CAMKMT: variants seen among roughly 807,000 people sequenced by gnomAD.
CAMKMT encodes the protein calmodulin-lysine N-methyltransferase.
CAMKMT carries 53 observed loss-of-function variants against 48.0 expected under a neutral mutation model. The observed-to-expected ratio is 1.10, with a 90% CI of 0.89 to 1.39. The LOEUF is 1.39. Among genes scored for constraint, CAMKMT ranks in the 40% most tolerant of loss-of-function variants. The pLI, the probability that CAMKMT is intolerant of heterozygous loss-of-function variation, is 0.00. For synonymous variants in CAMKMT, 165 were observed against 152.3 expected (o/e 1.08, Z -0.61); for missense variants, 428 against 402.7 (o/e 1.06, Z -0.54).
At chr2:44,549,828 T>C in intron 3 of CAMKMT, 1 of 400,692 alleles carries the variant, frequency 2.5e-6, no homozygotes, top group Non-Finnish European at 4.4e-6. Flanking sequence ...ACTGTGGCCA[T>C]ACATTTTTGT....
intron 3 of CAMKMT, among the ~76,000 whole-genome samples, chr2:44,402,740 G>GTTTTTTTTTTTTTTTTTTTTTTCTTTTTT: frequency 2.1e-5 from 2 of 94,106 alleles, no homozygotes; most frequent in Non-Finnish European, 4.3e-5. Context: ...TTGTTTTGCT[G>GTTTTTTTTTTTTTTTTTTTTTTCTTTTTT]TTTTTTTTTT....
intron 3 of CAMKMT, among the ~76,000 whole-genome samples, chr2:44,516,451 T>A (rs1465029080): frequency 6.6e-6 from 1 of 152,286 alleles, no homozygotes; most frequent in African/African-American, 2.4e-5. Flanking sequence ...GCCTAGTGAA[T>A]ATAACTAAGG....
chr2:44,528,120 C>T (rs1666268005), intron 3 of CAMKMT, among the ~76,000 whole-genome samples: 1 of 152,026 alleles, frequency 6.6e-6, no homozygotes, highest in South Asian at 2.1e-4. Context: ...GTCAAAATTC[C>T]CAGTCTCTTC....
intron 1 of CAMKMT, 34 bp downstream of exon 1, chr2:44,362,179 C>T: frequency 2.1e-6 from 3 of 1,427,018 alleles, no homozygotes; most frequent in Non-Finnish European, 2.7e-6. Context: ...ACCTTTGCCT[C>T]TGGTCACTCC....
chr2:44,734,771 ACC>A (rs1298055382), intron 7 of CAMKMT, among the ~76,000 whole-genome samples: 5 of 152,166 alleles, frequency 3.3e-5, no homozygotes, highest in African/African-American at 1.2e-4. Context: ...TTACACTATG[ACC>A]CAGAATAGGT....
intron 3 of CAMKMT, among the ~76,000 whole-genome samples, chr2:44,634,768 T>G (rs1258286423): frequency 1.4e-5 from 2 of 143,738 alleles, no homozygotes; most frequent in Non-Finnish European, 3.0e-5. Context: ...ACTAGTCTGG[T>G]TTTATAGGTA....
intron 3 of CAMKMT, among the ~76,000 whole-genome samples, chr2:44,504,916 A>G (rs565046673): frequency 6.6e-6 from 1 of 152,296 alleles, no homozygotes; most frequent in East Asian, 1.9e-4. Flanking sequence ...TGGCACCAGC[A>G]TCTGCTTCTG....
intron 3 of CAMKMT, among the ~76,000 whole-genome samples, chr2:44,537,952 G>A (rs934590169): frequency 1.3e-4 from 20 of 152,074 alleles, no homozygotes; most frequent in Non-Finnish European, 2.4e-4. Flanking sequence ...CCCACTACTG[G>A]GTATCTACCC....
At chr2:44,551,127 A>G (rs1167998933) in intron 3 of CAMKMT, among the ~76,000 whole-genome samples, 3 of 115,216 alleles carry the variant, frequency 2.6e-5, no homozygotes, top group Non-Finnish European at 6.7e-5. Context: ...TAATGTAGTC[A>G]CAAGATTATG....
intron 3 of CAMKMT, among the ~76,000 whole-genome samples, chr2:44,646,418 A>G (rs1673736396): frequency 6.6e-6 from 1 of 152,184 alleles, no homozygotes; most frequent in South Asian, 2.1e-4. Context: ...TTACAGAAAA[A>G]TATGAGCCTA....
At chr2:44,366,852 G>C (rs902952468) in intron 1 of CAMKMT, among the ~76,000 whole-genome samples, 1 of 151,998 alleles carries the variant, frequency 6.6e-6, no homozygotes, top group Non-Finnish European at 1.5e-5. Context: ...CTTCTGAGTA[G>C]CTGGGACTAC....
intron 3 of CAMKMT, among the ~76,000 whole-genome samples, chr2:44,540,607 C>T (rs562071873): frequency 2.0e-5 from 3 of 152,156 alleles, no homozygotes; most frequent in South Asian, 4.2e-4. Context: ...AAAAATTAGC[C>T]GGACATGGTG....
intron 1 of CAMKMT, among the ~76,000 whole-genome samples, chr2:44,364,878 C>T (rs926830468): frequency 1.3e-5 from 2 of 152,174 alleles, no homozygotes; most frequent in African/African-American, 4.8e-5. Context: ...AGCCCAACCA[C>T]AGAGACACAT....
chr2:44,389,604 AT>A (rs1281432351), intron 2 of CAMKMT, among the ~76,000 whole-genome samples: 1 of 152,136 alleles, frequency 6.6e-6, no homozygotes, highest in Non-Finnish European at 1.5e-5. Context: ...CTATTGCACA[AT>A]TGAGTCTATT....
intron 3 of CAMKMT, among the ~76,000 whole-genome samples, chr2:44,530,401 G>A (rs183926207): frequency 6.6e-6 from 1 of 152,152 alleles, no homozygotes; most frequent in Admixed American, 6.5e-5. Context: ...ATCTACTAAT[G>A]GCCTTATAGC....
At chr2:44,440,579 A>G (rs1364591880) in intron 3 of CAMKMT, among the ~76,000 whole-genome samples, 1 of 152,136 alleles carries the variant, frequency 6.6e-6, no homozygotes, top group East Asian at 1.9e-4. Context: ...TTATGATAAA[A>G]TTTAATTTAA....
intron 3 of CAMKMT, 28 bp downstream of exon 3, chr2:44,390,333 T>C: frequency 6.8e-7 from 1 of 1,479,516 alleles, no homozygotes; most frequent in Non-Finnish European, 9.3e-7. Context: ...TCTATAGAAA[T>C]ATATTTAGTG....
chr2:44,393,525 A>G (rs1410227643), intron 3 of CAMKMT: 1 of 152,184 alleles, frequency 6.6e-6, no homozygotes, highest in African/African-American at 2.4e-5. Flanking sequence ...TTAACTAGGA[A>G]TAGGTATGTA....
chr2:44,742,759 T>C (rs571019987), intron 7 of CAMKMT, among the ~76,000 whole-genome samples: 12 of 152,248 alleles, frequency 7.9e-5, no homozygotes, highest in Non-Finnish European at 1.6e-4. Context: ...AGGGAAGATA[T>C]AGAAGAAATG....
Sources: allele counts gnomAD v4.1 joint callset (sites outside exome capture counted in the v4.1 genomes callset), GRCh38; gene constraint gnomAD v4.1.1; transcripts MANE v1.5; gene names NCBI Gene and HGNC (gene_info 2026-07-23, HGNC 2026-07-21).